The following SEMA3D variants were observed in gnomAD, a reference collection of about 807,000 sequenced individuals.
The protein encoded by SEMA3D is semaphorin-3D.
In SEMA3D, 84 loss-of-function variants were observed where a neutral mutation model predicts 100.1. The ratio of observed to expected loss-of-function variants is 0.84; its 90% CI spans 0.70 to 1.01. The LOEUF is 1.01. Ranked by LOEUF, SEMA3D falls within the 50% of genes least tolerant of loss-of-function variation. SEMA3D has a pLI of 0.00. For synonymous variants in SEMA3D, 312 were observed against 320.7 expected (o/e 0.97, Z 0.29); for missense variants, 875 against 934.1 (o/e 0.94, Z 0.82).
At chr7:85,009,678 A>C (rs1014568929) in intron 17 of SEMA3D, among the ~76,000 whole-genome samples, 3 of 151,792 alleles carry the variant, frequency 2.0e-5, no homozygotes, top group African/African-American at 7.2e-5. Flanking sequence ...AGACCCTTTC[A>C]CAAACTTTAC....
the SEMA3D span, among the ~76,000 whole-genome samples, chr7:85,222,170 C>T: frequency 5.3e-5 from 8 of 152,034 alleles, no homozygotes; most frequent in African/African-American, 1.9e-4. Context: ...CTACCATTTA[C>T]TAACCCTGAG....
intron 2 of SEMA3D, among the ~76,000 whole-genome samples, chr7:85,145,823 T>C (rs1162647372): frequency 1.3e-5 from 2 of 152,160 alleles, no homozygotes; most frequent in African/African-American, 4.8e-5. Context: ...AAGTCTCCTA[T>C]ATAATGTGAT....
At chr7:85,006,267 T>C (rs1789793966) in intron 18 of SEMA3D, among the ~76,000 whole-genome samples, 1 of 152,048 alleles carries the variant, frequency 6.6e-6, no homozygotes, top group African/African-American at 2.4e-5. Flanking sequence ...TTAAGGACCA[T>C]GTTTCAACTC....
intron 5 of SEMA3D, among the ~76,000 whole-genome samples, chr7:85,076,166 CAAGTATTG>C (rs1436671158): frequency 6.6e-6 from 1 of 152,112 alleles, no homozygotes; most frequent in Non-Finnish European, 1.5e-5. Context: ...CAACTTAGGA[CAAGTATTG>C]AATTTCTCCT....
chr7:85,228,242 G>C, the SEMA3D span, among the ~76,000 whole-genome samples: 1 of 152,068 alleles, frequency 6.6e-6, no homozygotes, highest in Non-Finnish European at 1.5e-5. Context: ...AAGCCAGTAA[G>C]TATTCTGCAC....
At chr7:85,094,617 C>T (rs1788497136) in intron 4 of SEMA3D, among the ~76,000 whole-genome samples, 1 of 151,904 alleles carries the variant, frequency 6.6e-6, no homozygotes, top group South Asian at 2.1e-4. Flanking sequence ...GAACCTACAA[C>T]AAAAGTGTCA....
intron 4 of SEMA3D, among the ~76,000 whole-genome samples, chr7:85,087,016 C>T (rs528672010): frequency 2.0e-5 from 3 of 152,136 alleles, no homozygotes; most frequent in Non-Finnish European, 2.9e-5. Context: ...ATTCTTACTG[C>T]CTTTTGAATT....
At chr7:85,194,503 G>GA in the SEMA3D span, among the ~76,000 whole-genome samples, 6 of 151,490 alleles carry the variant, frequency 4.0e-5, no homozygotes, top group Non-Finnish European at 8.8e-5. Flanking sequence ...TATGCAAACA[G>GA]AAAAAAAAAT....
At chr7:85,235,948 C>T in the SEMA3D span, among the ~76,000 whole-genome samples, 1 of 152,268 alleles carries the variant, frequency 6.6e-6, no homozygotes, top group Admixed American at 6.5e-5. Context: ...AACAATTTCT[C>T]TTTATTAAAA....
intron 1 of SEMA3D, among the ~76,000 whole-genome samples, chr7:85,158,411 G>T (rs1452100132): frequency 6.6e-6 from 1 of 152,136 alleles, no homozygotes; most frequent in African/African-American, 2.4e-5. Context: ...ATAAGCCCCG[G>T]TCTCCTGTAG....
chr7:85,122,417 G>A (rs1051208327), intron 2 of SEMA3D, among the ~76,000 whole-genome samples: 1 of 152,080 alleles, frequency 6.6e-6, no homozygotes, highest in Non-Finnish European at 1.5e-5. Context: ...AGAAATAAAT[G>A]CACCACAAGA....
chr7:85,029,223 AC>A, intron 12 of SEMA3D: 1 of 726,042 alleles, frequency 1.4e-6, no homozygotes, highest in Non-Finnish European at 2.6e-6. Context: ...GATTGAAGTC[AC>A]CTTTGATATT....
chr7:85,227,684 T>C, the SEMA3D span, among the ~76,000 whole-genome samples: 1 of 152,178 alleles, frequency 6.6e-6, no homozygotes, highest in African/African-American at 2.4e-5. Context: ...TGTATGAATA[T>C]ATTTAATATC....
intron 14 of SEMA3D, among the ~76,000 whole-genome samples, chr7:85,018,767 C>T (rs1790174988): frequency 6.6e-6 from 1 of 151,660 alleles, no homozygotes; most frequent in Non-Finnish European, 1.5e-5. Flanking sequence ...TTACGGAACA[C>T]TACACAATAC....
rs1789538799 is a variant in SEMA3D at position 84,997,640 on chromosome 7, G to A, written c.*1800C>T. ...ATGCAAATAAAATAAAAATAACAGA[G>A]AGAGAATGCTCTCAACATAGAGCCA... On this transcript the variant is annotated 3_prime_UTR_variant, in exon 19 of 19. Coordinates refer to ENST00000284136, the MANE Select transcript of SEMA3D (RefSeq NM_001384900.1). 1 of 152,482 alleles carries A rather than the reference G, an allele frequency of 6.6e-6. No individual in the cohort carries two copies. Among genetic ancestry groups the A allele is most frequent in the Non-Finnish European group, 1.5e-5 (1 of 67,980 alleles). 9.4% of individuals were successfully genotyped at this position (152,482 alleles called of 1,614,324 possible).
At chr7:85,049,193 T>C (rs1352025238) in intron 9 of SEMA3D, among the ~76,000 whole-genome samples, 1 of 151,658 alleles carries the variant, frequency 6.6e-6, no homozygotes, top group Non-Finnish European at 1.5e-5. Context: ...CAACAAAAAC[T>C]TTTGTGGCAG....
chr7:85,162,984 A>T (rs1052431055), intron 1 of SEMA3D: 1 of 885,872 alleles, frequency 1.1e-6, no homozygotes, highest in African/African-American at 1.8e-5. Context: ...TTAGAGGCCG[A>T]GGACATCCAA....
chr7:85,051,417 C>T (rs1233679667), intron 9 of SEMA3D, among the ~76,000 whole-genome samples: 1 of 151,842 alleles, frequency 6.6e-6, no homozygotes, highest in Non-Finnish European at 1.5e-5. Flanking sequence ...AATCTTTTCC[C>T]CTGACTTGTG....
At chr7:85,147,991 T>G (rs1562835254) in intron 2 of SEMA3D, among the ~76,000 whole-genome samples, 1 of 152,152 alleles carries the variant, frequency 6.6e-6, no homozygotes, top group Non-Finnish European at 1.5e-5. Context: ...CACTGCCTAG[T>G]AGGTGTAAAC....
Sources: allele counts gnomAD v4.1 joint callset (sites outside exome capture counted in the v4.1 genomes callset), GRCh38; gene constraint gnomAD v4.1.1; transcripts MANE v1.5; gene names NCBI Gene and HGNC (gene_info 2026-07-23, HGNC 2026-07-21).